DNAH14: variants seen among roughly 807,000 people sequenced by gnomAD.
DNAH14 encodes axonemal beta dynein heavy chain 14.
DNAH14 carries 478 observed loss-of-function variants against 520.9 expected under a neutral mutation model. That is an observed-to-expected ratio of 0.92 (90% confidence interval 0.85 to 0.99). DNAH14 has a LOEUF of 0.99. Among genes scored for constraint, DNAH14 ranks in the 50% least tolerant of loss-of-function variants. DNAH14 has a pLI of 0.00. For missense variants in DNAH14, 4,831 were observed against 5,234.5 expected, an observed-to-expected ratio of 0.92 and a Z score of 2.38; for synonymous variants, 1,581 against 1,757.2, an observed-to-expected ratio of 0.90 and a Z score of 2.51.
intron 41 of DNAH14, among the ~76,000 whole-genome samples, chr1:225,211,517 A>C (rs554544722): frequency 4.3e-4 from 65 of 152,316 alleles, no homozygotes; most frequent in African/African-American, 1.5e-3. Context: ...GACCAAACCT[A>C]CATTTGATTG....
chr1:225,121,337 C>T (rs543191346), intron 26 of DNAH14, among the ~76,000 whole-genome samples: 3 of 152,072 alleles, frequency 2.0e-5, no homozygotes, highest in African/African-American at 4.8e-5. Flanking sequence ...TGCAGTAGAT[C>T]GCTAAAATTT....
intron 69 of DNAH14, among the ~76,000 whole-genome samples, chr1:225,342,964 C>A (rs1288076150): frequency 6.6e-6 from 1 of 151,918 alleles, no homozygotes; most frequent in Non-Finnish European, 1.5e-5. Flanking sequence ...CCACATTCAC[C>A]ACGCTGCCTT....
At chr1:225,356,095 A>G (rs1462257163) in intron 73 of DNAH14, among the ~76,000 whole-genome samples, 1 of 152,176 alleles carries the variant, frequency 6.6e-6, no homozygotes, top group Non-Finnish European at 1.5e-5. Context: ...TTAGCCATTA[A>G]TCCATTGAGA....
At chr1:225,203,330 A>C (rs1368886057) in intron 38 of DNAH14, among the ~76,000 whole-genome samples, 1 of 152,216 alleles carries the variant, frequency 6.6e-6, no homozygotes, top group East Asian at 1.9e-4. Flanking sequence ...AGGAATAATA[A>C]TTGGAAATAG....
At chr1:225,294,666 CA>C (rs771000300) in intron 55 of DNAH14, among the ~76,000 whole-genome samples, 1 of 151,352 alleles carries the variant, frequency 6.6e-6, no homozygotes, top group Non-Finnish European at 1.5e-5. Context: ...ACTAAAAGTA[CA>C]AAAAAAATTA....
chr1:225,089,193 C>T (rs969949216), intron 21 of DNAH14, among the ~76,000 whole-genome samples: 2 of 151,998 alleles, frequency 1.3e-5, no homozygotes, highest in African/African-American at 4.8e-5. Context: ...CCTGTAATCC[C>T]AGCACTTTGG....
At chr1:224,978,005 CAAAA>C (rs2061987935) in intron 8 of DNAH14, among the ~76,000 whole-genome samples, 1 of 151,994 alleles carries the variant, frequency 6.6e-6, no homozygotes, top group Non-Finnish European at 1.5e-5. Flanking sequence ...ATCAAAAAGA[CAAAA>C]AATAAATGCT....
At chr1:225,336,046 C>CATCTATATGT (rs140923532) in intron 66 of DNAH14, among the ~76,000 whole-genome samples, 1 of 141,578 alleles carries the variant, frequency 7.1e-6, no homozygotes, top group South Asian at 2.2e-4. Flanking sequence ...CACATATATG[C>CATCTATATGT]ATATATACAT....
chr1:225,035,725 A>G (rs1425383873), intron 11 of DNAH14, among the ~76,000 whole-genome samples: 1 of 151,792 alleles, frequency 6.6e-6, no homozygotes, highest in African/African-American at 2.4e-5. Context: ...GATGTTATTG[A>G]ATGTTTTAAG....
chr1:225,039,267 A>G (rs1453029612), intron 12 of DNAH14, among the ~76,000 whole-genome samples: 1 of 152,176 alleles, frequency 6.6e-6, no homozygotes, highest in Non-Finnish European at 1.5e-5. Flanking sequence ...GTAAAGTAGC[A>G]TCTACCCCCT....
At chr1:225,069,928 G>A (rs3128643) in intron 17 of DNAH14, among the ~76,000 whole-genome samples, 121,212 of 151,972 alleles carry the variant, frequency 0.8, 51,698 homozygotes, top group Non-Finnish European at 0.96. Flanking sequence ...TCCTGGTTTA[G>A]TCTTGGGAGG....
intron 8 of DNAH14, among the ~76,000 whole-genome samples, chr1:224,975,089 G>A (rs1159586206): frequency 6.6e-6 from 1 of 151,718 alleles, no homozygotes; most frequent in African/African-American, 2.4e-5. Flanking sequence ...CTTGATCATG[G>A]TGGATAAGCT....
At chr1:224,944,362 C>T (rs7530659) in intron 1 of DNAH14, among the ~76,000 whole-genome samples, 43,471 of 151,948 alleles carry the variant, frequency 0.29, 10,097 homozygotes, top group African/African-American at 0.64. Flanking sequence ...TCCTCCATCC[C>T]TTTATTTTGA....
At chr1:225,281,398 A>G (rs533009306) in intron 54 of DNAH14, among the ~76,000 whole-genome samples, 1 of 152,206 alleles carries the variant, frequency 6.6e-6, no homozygotes, top group Non-Finnish European at 1.5e-5. Context: ...TCAAGGACTG[A>G]TGTGATTTAG....
intron 8 of DNAH14, among the ~76,000 whole-genome samples, chr1:225,001,629 G>A (rs924000095): frequency 4.6e-5 from 7 of 151,896 alleles, no homozygotes; most frequent in Non-Finnish European, 1.0e-4. Context: ...TCATATCTAT[G>A]TTGAAATATG....
At chr1:225,182,689 CTT>C (rs1476353844) in intron 36 of DNAH14, among the ~76,000 whole-genome samples, 3 of 152,110 alleles carry the variant, frequency 2.0e-5, no homozygotes, top group Non-Finnish European at 4.4e-5. Flanking sequence ...GTGTGTGAGA[CTT>C]TGCATTTAGT....
rs528158711 is a variant in DNAH14 at position 224,941,750 on chromosome 1, A to G, written c.-33-10920A>G. Among the ~76,000 whole-genome samples, 48 of 152,302 alleles carry G rather than the reference A, an allele frequency of 3.2e-4. No individual in the cohort carries two copies. The South Asian group carries it at 9.5e-3, about 30-fold the overall frequency. ...ATGGCTAGCCAGTTTTCCCAGCACC[A>G]TTTATTAAATAGGGAATCCTTTCCC... On this transcript the variant is annotated intron_variant, in intron 1 of 85. Coordinates refer to ENST00000682510, the MANE Select transcript of DNAH14 (RefSeq NM_001367479.1).
rs1219166627 is a variant in DNAH14 at position 225,324,273 on chromosome 1, A to C, written c.9547A>C (p.Lys3183Gln). 3 of 1,551,750 alleles carry C rather than the reference A, an allele frequency of 1.9e-6. No individual in the cohort carries two copies. The highest frequency in any genetic ancestry group is 1.7e-6 in the Non-Finnish European group (2 of 1,146,998). The change falls in exon 63 of 86, where the codon AAG (lysine) becomes CAG (glutamine). Residue 3183 changes from lysine (K) to glutamine (Q), a missense_variant. Transcript: ENST00000682510. The stretch of plus-strand genomic sequence containing the variant: ...AACCTTACCTGATTTCAACCCACAC[A>C]AGATTTCGCTGGTTTCTGTTGCTTG... ...IVTLPDFNPH[K>Q]ISLVSVACCS...
chr1:225,318,766 A>T, intron 61 of DNAH14, 89 bp downstream of exon 61: 1 of 1,226,540 alleles, frequency 8.2e-7, no homozygotes, highest in Non-Finnish European at 1.1e-6. Context: ...TTTTTAGCCT[A>T]TATACTAAGC....
Sources: gnomAD v4.1 joint callset for allele counts (sites outside exome capture counted in the v4.1 genomes callset) on GRCh38, gnomAD v4.1.1 for gene constraint, MANE v1.5 for transcripts, NCBI Gene and HGNC (gene_info 2026-07-23, HGNC 2026-07-21) for gene names.